Variants in CLIP2 observed in about 807,000 individuals in gnomAD.
CLIP2 encodes CAP-Gly domain containing linker protein 2.
In CLIP2, 41 loss-of-function variants were observed where a neutral mutation model predicts 111.7. The observed-to-expected ratio is 0.37, with a 90% CI of 0.29 to 0.48. The LOEUF (loss-of-function observed/expected upper bound fraction) is 0.48. CLIP2 is among the 20% of genes least tolerant of loss of function. The pLI is 0.99. For synonymous variants in CLIP2, 660 were observed against 644.2 expected, an observed-to-expected ratio of 1.02 and a Z score of -0.37; for missense variants, 1,160 against 1,422.1, an observed-to-expected ratio of 0.82 and a Z score of 2.96.
intron 3 of CLIP2, among the ~76,000 whole-genome samples, chr7:74,347,425 C>A (rs530086286): frequency 6.6e-6 from 1 of 152,234 alleles, no homozygotes; most frequent in South Asian, 2.1e-4. Flanking sequence ...CCCGCCACCA[C>A]GCCTGGCTAA....
At chr7:74,332,527 A>C in intron 2 of CLIP2, among the ~76,000 whole-genome samples, 1 of 133,966 alleles carries the variant, frequency 7.5e-6, no homozygotes. Context: ...TCAACTCCTG[A>C]CCTCAAGTGA....
chr7:74,335,888 G>A (rs1269937646), intron 2 of CLIP2, among the ~76,000 whole-genome samples: 6 of 148,040 alleles, frequency 4.1e-5, no homozygotes, highest in Non-Finnish European at 6.0e-5. Flanking sequence ...GACTACAGGC[G>A]CCCACCACCA....
intron 1 of CLIP2, among the ~76,000 whole-genome samples, chr7:74,295,651 T>G (rs191018854): frequency 2.0e-4 from 30 of 152,276 alleles, no homozygotes; most frequent in Non-Finnish European, 4.0e-4. Context: ...TTCATCTGAT[T>G]CCAGAAAGGA....
chr7:74,293,894 G>A (rs1430299006), intron 1 of CLIP2, among the ~76,000 whole-genome samples: 1 of 151,868 alleles, frequency 6.6e-6, no homozygotes, highest in East Asian at 1.9e-4. Context: ...GGGTCCAACC[G>A]GCAGCGTGGG....
intron 1 of CLIP2, among the ~76,000 whole-genome samples, chr7:74,308,526 A>G (rs897014653): frequency 1.3e-5 from 2 of 152,080 alleles, no homozygotes; most frequent in Non-Finnish European, 2.9e-5. Context: ...TTATTTTGAG[A>G]TGGAGTCTCG....
At chr7:74,323,081 T>TTTTTTTTA (rs1789006495) in intron 2 of CLIP2, among the ~76,000 whole-genome samples, 1 of 144,834 alleles carries the variant, frequency 6.9e-6, no homozygotes, top group African/African-American at 2.5e-5. Context: ...TTTAGCTATG[T>TTTTTTTTA]TTTATTTATT....
chr7:74,353,375 C>T (rs57576971), intron 3 of CLIP2, among the ~76,000 whole-genome samples: 1 of 151,818 alleles, frequency 6.6e-6, no homozygotes, highest in Non-Finnish European at 1.5e-5. Context: ...CTCAGCCTCC[C>T]GAGTAACTGG....
At chr7:74,379,035 A>G (rs1434201371) in intron 10 of CLIP2, among the ~76,000 whole-genome samples, 1 of 152,182 alleles carries the variant, frequency 6.6e-6, no homozygotes, top group East Asian at 1.9e-4. Flanking sequence ...CAGGAACTGA[A>G]TTCCCTGAGC....
chr7:74,389,309 G>T, intron 13 of CLIP2, 50 bp downstream of exon 13: 1 of 1,491,496 alleles, frequency 6.7e-7, no homozygotes, highest in South Asian at 1.3e-5. Context: ...CCTGGCCCTT[G>T]CTCCTCTTCT....
At chr7:74,384,025 C>G (rs1791014053) in intron 11 of CLIP2, among the ~76,000 whole-genome samples, 1 of 152,112 alleles carries the variant, frequency 6.6e-6, no homozygotes. Flanking sequence ...CCAGTCTCTA[C>G]TAAAAATACA....
intron 15 of CLIP2, 140 bp downstream of exon 15, chr7:74,400,695 G>A (rs966330801): frequency 2.4e-6 from 2 of 816,582 alleles, no homozygotes; most frequent in African/African-American, 1.7e-5. Context: ...AACCTGGTCT[G>A]AAGGGGGAGG....
chr7:74,371,538 GAA>G (rs1339134637), intron 8 of CLIP2, among the ~76,000 whole-genome samples: 2 of 144,600 alleles, frequency 1.4e-5, no homozygotes, highest in East Asian at 4.4e-4. Context: ...GGAGAGGAGA[GAA>G]AGAGAGAGGG....
rs148589580 is a variant in CLIP2 at position 74,389,188 on chromosome 7, C to T, written c.2649C>T (p.Thr883=). The T allele has an allele frequency of 4.6e-5, 75 of 1,613,386 alleles. 1 individual carries two copies. Among genetic ancestry groups the T allele is most frequent in the Middle Eastern group, 1.6e-4 (1 of 6,082 alleles). ...GGCGCCTGGAGGCAGAGCTGGAGACCGTGTCCCGGAAGACCCATGACGCCT... is the reference window on the plus strand; with the variant it reads ...GGCGCCTGGAGGCAGAGCTGGAGACTGTGTCCCGGAAGACCCATGACGCCT... ...EKRRLEAELE[T]VSRKTHDASG... is the part of the protein sequence containing the mutation. Residue 883 remains threonine, a synonymous_variant, in exon 13 of 17, where the codon ACC becomes ACT. Coordinates refer to ENST00000223398, the MANE Select transcript of CLIP2 (RefSeq NM_003388.5).
chr7:74,386,701 A>G lies in CLIP2; in HGVS notation c.2563+97A>G, dbSNP rs536561717. 18 of 924,642 alleles carry G rather than the reference A, an allele frequency of 1.9e-5. No individual in the cohort carries two copies. The South Asian group carries it at 3.0e-4, about 16-fold the overall frequency. 57.3% of individuals were successfully genotyped at this position (924,642 alleles called of 1,614,324 possible). A position where few individuals can be genotyped will look rare whatever the true frequency, so the allele number is the denominator to read the frequency against. Reference sequence around the variant, plus strand: ...CATGGAGTGGGTCAGGGCCTGGCTTAGGGTCCCCTCCCCGACTCTGCTTTG... The same window carrying G: ...CATGGAGTGGGTCAGGGCCTGGCTTGGGGTCCCCTCCCCGACTCTGCTTTG... On this transcript the variant is annotated intron_variant, in intron 12 of 16. Transcript: ENST00000223398.
intron 2 of CLIP2, among the ~76,000 whole-genome samples, chr7:74,329,854 A>G (rs1291156975): frequency 6.6e-6 from 1 of 152,094 alleles, no homozygotes; most frequent in Non-Finnish European, 1.5e-5. Flanking sequence ...ATCTCAGCTC[A>G]CTGCAACCTC....
At chr7:74,294,322 A>G (rs1463039525) in intron 1 of CLIP2, among the ~76,000 whole-genome samples, 6 of 152,214 alleles carry the variant, frequency 3.9e-5, no homozygotes, top group African/African-American at 1.2e-4. Context: ...TTGCAGAGGA[A>G]ATGCTTCAAA....
At chr7:74,322,581 A>AG (rs1386805781) in intron 2 of CLIP2, among the ~76,000 whole-genome samples, 1 of 152,024 alleles carries the variant, frequency 6.6e-6, no homozygotes, top group Non-Finnish European at 1.5e-5. Flanking sequence ...GTCTCAAAAA[A>AG]CAAACAGACA....
rs10268806 is a variant in CLIP2 at position 74,332,159 on chromosome 7, C to T, written c.122-6289C>T. 6.3e-3 allele frequency among the ~76,000 whole-genome samples: 958 copies of T among 151,566 alleles called. 10 individuals are homozygous for T. Among genetic ancestry groups the T allele is most frequent in the African/African-American group, 0.022 (907 of 41,308 alleles). ...TGCGATCTCGGCTCACTGCAACCTC[C>T]GCCCCCCAGGTTCAAGTGATTCTCC... On this transcript the variant is annotated intron_variant, in intron 2 of 16. Transcript: ENST00000223398.
intron 16 of CLIP2, among the ~76,000 whole-genome samples, chr7:74,402,565 G>A (rs998556693): frequency 7.9e-5 from 12 of 152,114 alleles, no homozygotes; most frequent in African/African-American, 2.9e-4. Flanking sequence ...GGTGGCGCAT[G>A]CCTGTAGCCT....
Sources: allele counts gnomAD v4.1 joint callset (sites outside exome capture counted in the v4.1 genomes callset), GRCh38; gene constraint gnomAD v4.1.1; transcripts MANE v1.5; gene names NCBI Gene and HGNC (gene_info 2026-07-23, HGNC 2026-07-21).